Variants in ASXL2 observed in about 807,000 individuals in gnomAD.
ASXL2 encodes the protein ASXL transcriptional regulator 2.
In ASXL2, 23 loss-of-function variants were observed where a neutral mutation model predicts 122.0. The observed-to-expected ratio is 0.19, with a 90% CI of 0.14 to 0.27. ASXL2 has a LOEUF of 0.27. Among genes scored for constraint, ASXL2 ranks in the 10% least tolerant of loss-of-function variants. The probability of loss-of-function intolerance (pLI) is 1.00; values close to 1 mark genes in which losing one functional copy is unlikely to be tolerated. For missense variants in ASXL2, 1,518 were observed against 1,713.8 expected (o/e 0.89, Z 2.02); for synonymous variants, 650 against 637.0 (o/e 1.02, Z -0.31).
intron 5 of ASXL2, among the ~76,000 whole-genome samples, chr2:25,776,115 CA>C (rs1320239742): frequency 6.6e-6 from 1 of 152,146 alleles, no homozygotes; most frequent in East Asian, 1.9e-4. Context: ...CCAAGTTGTA[CA>C]ATCATCACCC....
Position 25,874,007 on chromosome 2 carries a change from G to C in ASXL2, c.57+4159C>G, listed in dbSNP as rs149754147. The stretch of plus-strand genomic sequence containing the variant: ...TCCTCAGGATGTCATCAAATATTTA[G>C]ATGATTCATCTTTTTAATGAGCCTA... On this transcript the variant is annotated intron_variant, in intron 1 of 12. Transcript: ENST00000435504. 2.0e-5 allele frequency among the ~76,000 whole-genome samples: 3 copies of C among 152,296 alleles called. No individual in the cohort carries two copies. The East Asian group carries it at 5.8e-4, about 29-fold the overall frequency.
At chr2:25,858,031 AT>A (rs1160946688) in intron 1 of ASXL2, among the ~76,000 whole-genome samples, 4 of 152,032 alleles carry the variant, frequency 2.6e-5, no homozygotes, top group Non-Finnish European at 5.9e-5. Context: ...ACATCCACAG[AT>A]CCTAGAGCAG....
At chr2:25,762,450 G>C (rs935263512) in intron 8 of ASXL2, among the ~76,000 whole-genome samples, 4 of 151,832 alleles carry the variant, frequency 2.6e-5, no homozygotes, top group Admixed American at 6.6e-5. Context: ...TGAACCACTT[G>C]AGGGCAGGAG....
chr2:25,860,810 A>C (rs576660286), intron 1 of ASXL2, among the ~76,000 whole-genome samples: 69 of 151,958 alleles, frequency 4.5e-4, no homozygotes, highest in African/African-American at 1.7e-3. Context: ...TCAGGAGTTC[A>C]AGACCAGCCT....
chr2:25,839,211 T>C (rs947735930), intron 2 of ASXL2, among the ~76,000 whole-genome samples: 1 of 152,206 alleles, frequency 6.6e-6, no homozygotes, highest in Non-Finnish European at 1.5e-5. Context: ...CATTGGTATT[T>C]ATGTAACAAA....
At chr2:25,785,775 TA>T (rs1455411342) in intron 5 of ASXL2, among the ~76,000 whole-genome samples, 1 of 152,112 alleles carries the variant, frequency 6.6e-6, no homozygotes, top group African/African-American at 2.4e-5. Context: ...CTCAAATTCA[TA>T]ACCTTAGGTG....
At chr2:25,821,841 C>T (rs1459512505) in intron 3 of ASXL2, among the ~76,000 whole-genome samples, 2 of 152,168 alleles carry the variant, frequency 1.3e-5, no homozygotes, top group African/African-American at 2.4e-5. Context: ...TTAGAGTGTT[C>T]ATCTTTCTGC....
At chr2:25,830,575 G>A (rs2089437489) in intron 3 of ASXL2, among the ~76,000 whole-genome samples, 1 of 149,682 alleles carries the variant, frequency 6.7e-6, no homozygotes, top group South Asian at 2.1e-4. Context: ...GCAGTGAGCC[G>A]AGATCGCATC....
At chr2:25,775,137 G>GTT (rs35210018) in intron 5 of ASXL2, among the ~76,000 whole-genome samples, 4 of 151,010 alleles carry the variant, frequency 2.6e-5, no homozygotes, top group African/African-American at 7.3e-5. Flanking sequence ...TCTTTTTTTT[G>GTT]TTTTTTTGAG....
chr2:25,745,134 T>C (rs536905701), intron 12 of ASXL2, among the ~76,000 whole-genome samples: 1 of 152,266 alleles, frequency 6.6e-6, no homozygotes, highest in South Asian at 2.1e-4. Flanking sequence ...GTATTATATT[T>C]ACTTGCGCAA....
At chr2:25,846,962 A>G (rs1027662472) in intron 1 of ASXL2, among the ~76,000 whole-genome samples, 1 of 152,268 alleles carries the variant, frequency 6.6e-6, no homozygotes, top group Non-Finnish European at 1.5e-5. Flanking sequence ...AGTAGCTATT[A>G]TAACTATGCT....
chr2:25,750,256 CT>C lies in ASXL2; in HGVS notation c.1299del (p.Glu434LysfsTer88). ...CCTGGTGATGACATTTGCAATGCTT[CT>C]TCTTTACACTCTGACTGGGAGACTA... ...VPVVSQSECK[E>X]EALQMSSPGR... On this transcript the variant is annotated frameshift_variant, in exon 12 of 13. Coordinates refer to ENST00000435504, the MANE Select transcript of ASXL2 (RefSeq NM_018263.6). LOFTEE classifies it high-confidence loss of function. 6.2e-7 allele frequency: 1 copy of C among 1,614,000 alleles called. No individual in the cohort carries two copies. The highest frequency in any genetic ancestry group is 8.5e-7 in the Non-Finnish European group (1 of 1,179,884).
rs1471170430 is a variant in ASXL2, at chr2:25,733,947, ATG to A, written c.*8080_*8081del. 6.6e-6 allele frequency: 1 copy of A among 152,226 alleles called. No homozygotes were observed. The highest frequency in any genetic ancestry group is 2.4e-5 in the African/African-American group (1 of 41,464). The allele number at this position is 152,226 out of a possible 1,614,324, so 9.4% of individuals were successfully genotyped here. On this transcript the variant is annotated 3_prime_UTR_variant, in exon 13 of 13. Transcript: ENST00000435504. Reference sequence around the variant, plus strand: ...TTTATTTGTCAAAGTGCTAAGGCCTATGCGCACAAAGATTTTAAGTGAATAAG... The same window carrying A: ...TTTATTTGTCAAAGTGCTAAGGCCTACGCACAAAGATTTTAAGTGAATAAG...
chr2:25,810,697 C>T (rs2089154475), intron 3 of ASXL2: 1 of 677,838 alleles, frequency 1.5e-6, no homozygotes, highest in Non-Finnish European at 2.7e-6. Context: ...GATCCTGCCT[C>T]CTCTGCTCAG....
chr2:25,798,404 C>G (rs1210106532), intron 5 of ASXL2, among the ~76,000 whole-genome samples: 2 of 152,060 alleles, frequency 1.3e-5, no homozygotes, highest in Non-Finnish European at 2.9e-5. Context: ...TAAGGAAAGC[C>G]AATCTGAAAA....
intron 1 of ASXL2, among the ~76,000 whole-genome samples, chr2:25,858,418 CAA>C (rs761240837): frequency 7.3e-6 from 1 of 136,404 alleles, no homozygotes. Context: ...GTCTACATTC[CAA>C]AAAAAAAAAA....
At chr2:25,816,711 G>A (rs935824262) in intron 3 of ASXL2, among the ~76,000 whole-genome samples, 3 of 152,196 alleles carry the variant, frequency 2.0e-5, no homozygotes, top group Non-Finnish European at 4.4e-5. Flanking sequence ...ACTATATAAT[G>A]AAGGAAACAT....
intron 7 of ASXL2, 105 bp from the exon 8 acceptor site, chr2:25,767,831 T>G: frequency 7.7e-7 from 1 of 1,291,446 alleles, no homozygotes; most frequent in Non-Finnish European, 1.1e-6. Flanking sequence ...TATGAGGCAA[T>G]GTGACCCTCC....
intron 1 of ASXL2, among the ~76,000 whole-genome samples, chr2:25,872,990 T>C (rs13416792): frequency 0.28 from 42,070 of 151,692 alleles, 6,092 homozygotes; most frequent in African/African-American, 0.33. Flanking sequence ...TTTGGTTACA[T>C]GGATAAGTTC....
Sources: allele counts gnomAD v4.1 joint callset (sites outside exome capture counted in the v4.1 genomes callset), GRCh38; gene constraint gnomAD v4.1.1; transcripts MANE v1.5; gene names NCBI Gene and HGNC (gene_info 2026-07-23, HGNC 2026-07-21).